ULK4: variants seen among roughly 807,000 people sequenced by gnomAD.
ULK4 encodes the protein inactive serine/threonine-protein kinase ULK4.
ULK4 carries 133 observed loss-of-function variants against 160.6 expected under a neutral mutation model. The ratio of observed to expected loss-of-function variants is 0.83; its 90% CI spans 0.72 to 0.96. The LOEUF (loss-of-function observed/expected upper bound fraction) is 0.96. Among genes scored for constraint, ULK4 ranks in the 40% least tolerant of loss-of-function variants. The probability of loss-of-function intolerance (pLI) is 0.00; values close to 1 mark genes in which losing one functional copy is unlikely to be tolerated. For synonymous variants in ULK4, 534 were observed against 539.8 expected (o/e 0.99, Z 0.15); for missense variants, 1,580 against 1,499.5 (o/e 1.05, Z -0.89).
At chr3:41,895,212 C>G (rs189906407) in intron 16 of ULK4, among the ~76,000 whole-genome samples, 21 of 152,254 alleles carry the variant, frequency 1.4e-4, no homozygotes, top group Admixed American at 3.9e-4. Context: ...GAGTTCAAAA[C>G]CAGCCTGTGC....
At chr3:41,602,416 G>C (rs2032153540) in intron 31 of ULK4, among the ~76,000 whole-genome samples, 1 of 151,346 alleles carries the variant, frequency 6.6e-6, no homozygotes, top group African/African-American at 2.4e-5. Context: ...GAAGGGGAAA[G>C]GAAGGAGAAA....
chr3:41,745,803 C>A (rs1438614605), intron 22 of ULK4, among the ~76,000 whole-genome samples: 3 of 151,536 alleles, frequency 2.0e-5, no homozygotes, highest in Non-Finnish European at 4.4e-5. Flanking sequence ...AGAATTAACA[C>A]ACTGTGACCA....
intron 22 of ULK4, among the ~76,000 whole-genome samples, chr3:41,720,023 C>T (rs1014255074): frequency 6.6e-6 from 1 of 152,122 alleles, no homozygotes; most frequent in African/African-American, 2.4e-5. Context: ...AATTCATATG[C>T]ATATTTCATA....
intron 32 of ULK4, among the ~76,000 whole-genome samples, chr3:41,496,422 T>C (rs1441035195): frequency 1.3e-5 from 2 of 151,902 alleles, no homozygotes; most frequent in Non-Finnish European, 2.9e-5. Context: ...ACACATACAA[T>C]GAATGAGCCC....
At chr3:41,326,353 T>C (rs1386384207) in intron 35 of ULK4, among the ~76,000 whole-genome samples, 1 of 152,178 alleles carries the variant, frequency 6.6e-6, no homozygotes, top group African/African-American at 2.4e-5. Context: ...TTGAAATGCC[T>C]GCCCGCTACA....
chr3:41,658,797 T>C (rs2035042218), intron 30 of ULK4, among the ~76,000 whole-genome samples: 1 of 148,194 alleles, frequency 6.7e-6, no homozygotes, highest in Non-Finnish European at 1.5e-5. Context: ...GGAGGAATAA[T>C]TGCTTTTCTC....
chr3:41,937,733 T>C (rs894994526), intron 3 of ULK4: 1 of 194,526 alleles, frequency 5.1e-6, no homozygotes, highest in African/African-American at 2.3e-5. Context: ...TTTTATGAGG[T>C]ACAGTATGCT....
chr3:41,416,559 G>A (rs900010291), intron 34 of ULK4, among the ~76,000 whole-genome samples: 2 of 152,170 alleles, frequency 1.3e-5, no homozygotes, highest in East Asian at 3.9e-4. Flanking sequence ...CTTTACAACA[G>A]AAAAATGATC....
intron 35 of ULK4, among the ~76,000 whole-genome samples, chr3:41,296,377 G>T (rs937316182): frequency 1.3e-5 from 2 of 152,162 alleles, no homozygotes; most frequent in African/African-American, 4.8e-5. Flanking sequence ...GAAACCCTCT[G>T]GGGACCTTGG....
At chr3:41,636,649 A>C (rs1231573100) in intron 30 of ULK4, among the ~76,000 whole-genome samples, 1 of 151,922 alleles carries the variant, frequency 6.6e-6, no homozygotes, top group Non-Finnish European at 1.5e-5. Flanking sequence ...GTACATGTGC[A>C]CAATGTGCAG....
At chr3:41,641,832 TAAA>T (rs200237320) in intron 30 of ULK4, among the ~76,000 whole-genome samples, 1 of 142,284 alleles carries the variant, frequency 7.0e-6, no homozygotes, top group African/African-American at 2.5e-5. Flanking sequence ...AAAATGCAAG[TAAA>T]AAAAAAAAGG....
chr3:41,833,891 C>G (rs57483638), intron 18 of ULK4, among the ~76,000 whole-genome samples: 1,821 of 152,162 alleles, frequency 0.012, 47 homozygotes, highest in African/African-American at 0.042. Flanking sequence ...ACTTCCAATA[C>G]TATTTTGCTC....
At chr3:41,895,828 A>G (rs1698133220) in intron 15 of ULK4, among the ~76,000 whole-genome samples, 1 of 152,200 alleles carries the variant, frequency 6.6e-6, no homozygotes, top group Non-Finnish European at 1.5e-5. Context: ...CACACCAACT[A>G]TCAAAAAAAG....
At chr3:41,689,230 AC>A (rs983473061) in intron 27 of ULK4, among the ~76,000 whole-genome samples, 1 of 152,130 alleles carries the variant, frequency 6.6e-6, no homozygotes, top group Non-Finnish European at 1.5e-5. Flanking sequence ...TGAAAAAACA[AC>A]CTGTTTGTTC....
rs376468512 is a variant in ULK4 at position 41,681,681 on chromosome 3, G to A, written c.2834-29C>T. 151 of 1,613,522 alleles carry A rather than the reference G, an allele frequency of 9.4e-5. No individual in the cohort carries two copies. The African/African-American group carries it at 1.5e-3, about 16-fold the overall frequency. ...GAAAGAAAAAAAAAATGCCAAGAAT[G>A]TGACTCCATGGAGACAGAATGAAAA... On this transcript the variant is annotated intron_variant, in intron 28 of 36. Transcript: ENST00000301831.
chr3:41,651,426 T>A (rs34568869), intron 30 of ULK4, among the ~76,000 whole-genome samples: 1 of 152,164 alleles, frequency 6.6e-6, no homozygotes, highest in Non-Finnish European at 1.5e-5. Context: ...GTGGAAGGTA[T>A]GTTTGTTTAA....
intron 5 of ULK4, among the ~76,000 whole-genome samples, chr3:41,931,485 A>AAAG (rs1699599673): frequency 6.6e-6 from 1 of 151,838 alleles, no homozygotes; most frequent in Admixed American, 6.6e-5. Context: ...AAAAAAAAAA[A>AAAG]AAAGAAAGAA....
At chr3:41,630,600 C>T (rs1425973911) in intron 30 of ULK4, among the ~76,000 whole-genome samples, 2 of 152,112 alleles carry the variant, frequency 1.3e-5, no homozygotes, top group Admixed American at 6.5e-5. Context: ...AATTTGCAAC[C>T]TTAATTACAT....
chr3:41,487,275 T>C (rs761242892), intron 32 of ULK4, among the ~76,000 whole-genome samples: 2 of 152,126 alleles, frequency 1.3e-5, no homozygotes, highest in Non-Finnish European at 2.9e-5. Flanking sequence ...ACAATCCAAA[T>C]TGGCATATAA....
Sources: gnomAD v4.1 joint callset for allele counts (sites outside exome capture counted in the v4.1 genomes callset) on GRCh38, gnomAD v4.1.1 for gene constraint, MANE v1.5 for transcripts, NCBI Gene and HGNC (gene_info 2026-07-23, HGNC 2026-07-21) for gene names.